The following CCDC125 variants were observed in gnomAD, a reference collection of about 807,000 sequenced individuals.
CCDC125 encodes the protein coiled-coil domain-containing protein 125.
CCDC125 carries 43 observed loss-of-function variants against 57.4 expected under a neutral mutation model. The ratio of observed to expected loss-of-function variants is 0.75; its 90% CI spans 0.59 to 0.97. The LOEUF (loss-of-function observed/expected upper bound fraction) is 0.97. Among genes scored for constraint, CCDC125 ranks in the 50% least tolerant of loss-of-function variants. CCDC125 has a pLI of 0.00. For synonymous variants in CCDC125, 187 were observed against 195.2 expected (o/e 0.96, Z 0.35); for missense variants, 563 against 595.7 (o/e 0.95, Z 0.57).
intron 7 of CCDC125, 31 bp downstream of exon 7, chr5:69,303,816 C>G: frequency 8.2e-7 from 1 of 1,218,038 alleles, no homozygotes; most frequent in Non-Finnish European, 1.2e-6. Flanking sequence ...TTTATTGATA[C>G]ATGTGCTCTT....
intron 7 of CCDC125, among the ~76,000 whole-genome samples, chr5:69,302,508 G>A (rs60299793): frequency 0.34 from 50,130 of 146,870 alleles, 9,981 homozygotes; most frequent in Non-Finnish European, 0.46. Context: ...GGCGGATCAC[G>A]AGGTCAGGAG....
intron 1 of CCDC125, among the ~76,000 whole-genome samples, chr5:69,320,880 C>G (rs750212392): frequency 6.6e-6 from 1 of 151,926 alleles, no homozygotes; most frequent in Non-Finnish European, 1.5e-5. Flanking sequence ...CTTGGGACAT[C>G]ATGGATGGAA....
intron 1 of CCDC125, among the ~76,000 whole-genome samples, 182 bp from the exon 2 acceptor site, chr5:69,320,762 A>G (rs953933450): frequency 1.3e-5 from 2 of 152,090 alleles, no homozygotes; most frequent in Non-Finnish European, 2.9e-5. Flanking sequence ...TCAAAGATGA[A>G]CAGGTGAAGA....
intron 10 of CCDC125, among the ~76,000 whole-genome samples, chr5:69,286,234 A>ATATATATAT (rs1554071341): frequency 3.5e-3 from 170 of 48,270 alleles, no homozygotes; most frequent in Non-Finnish European, 5.2e-3. Flanking sequence ...ATATATATAT[A>ATATATATAT]ATTTTTTTTT....
chr5:69,316,924 TAAA>T (rs937354258), intron 2 of CCDC125, among the ~76,000 whole-genome samples: 2 of 152,180 alleles, frequency 1.3e-5, no homozygotes, highest in African/African-American at 4.8e-5. Context: ...CCAACTTTAA[TAAA>T]AAGAAAAGTT....
At chr5:69,297,090 G>T (rs1350046600) in intron 8 of CCDC125, among the ~76,000 whole-genome samples, 1 of 152,154 alleles carries the variant, frequency 6.6e-6, no homozygotes, top group African/African-American at 2.4e-5. Context: ...TTTTGAGACG[G>T]AGTCTCGCTC....
intron 2 of CCDC125, 83 bp downstream of exon 2, chr5:69,320,154 T>G: frequency 7.4e-6 from 9 of 1,209,772 alleles, no homozygotes; most frequent in Non-Finnish European, 9.4e-6. Flanking sequence ...TCCAATATGG[T>G]TATTTATTTT....
intron 10 of CCDC125, among the ~76,000 whole-genome samples, chr5:69,290,485 T>C (rs1422140877): frequency 6.6e-6 from 1 of 151,348 alleles, no homozygotes; most frequent in Non-Finnish European, 1.5e-5. Context: ...GTATTTTTAG[T>C]AGAGATGGGG....
chr5:69,277,315 G>T, downstream of CCDC125: 2 of 441,716 alleles, frequency 4.5e-6, no homozygotes, highest in South Asian at 1.6e-4. Flanking sequence ...ATTTAATTCT[G>T]GTTTTTCTGA....
chr5:69,289,862 C>CA (rs11284379), intron 10 of CCDC125, among the ~76,000 whole-genome samples: 1,682 of 111,472 alleles, frequency 0.015, 21 homozygotes, highest in African/African-American at 0.046. Flanking sequence ...GATGCTGCCT[C>CA]AAAAAAAAAA....
downstream of CCDC125, among the ~76,000 whole-genome samples, chr5:69,278,840 A>AG (rs1752328924): frequency 6.7e-6 from 1 of 149,922 alleles, no homozygotes; most frequent in Non-Finnish European, 1.5e-5. Flanking sequence ...CTGGGACTAC[A>AG]GGTGCATACC....
chr5:69,293,391 C>T (rs1754792757), intron 9 of CCDC125, among the ~76,000 whole-genome samples: 1 of 152,090 alleles, frequency 6.6e-6, no homozygotes, highest in Non-Finnish European at 1.5e-5. Context: ...GTGGCTCACG[C>T]CTGTAATCCC....
intron 7 of CCDC125, among the ~76,000 whole-genome samples, chr5:69,303,037 C>T (rs912224485): frequency 2.0e-5 from 3 of 151,970 alleles, no homozygotes; most frequent in Admixed American, 6.6e-5. Flanking sequence ...CTTATTTTTT[C>T]GAGACCGAGT....
downstream of CCDC125, among the ~76,000 whole-genome samples, chr5:69,278,372 ATTT>A (rs35559096): frequency 4.3e-3 from 602 of 139,112 alleles, 3 homozygotes; most frequent in Middle Eastern, 0.031. Flanking sequence ...CGCCTGGCTA[ATTT>A]TTTTTTTTTT....
intron 4 of CCDC125, chr5:69,309,735 C>T (rs1292234089): frequency 2.0e-5 from 3 of 152,490 alleles, no homozygotes; most frequent in Admixed American, 6.5e-5. Flanking sequence ...GGTAGATCCA[C>T]CCATGGCTTA....
chr5:69,279,372 A>AT (rs1456613736), downstream of CCDC125, among the ~76,000 whole-genome samples: 16 of 151,928 alleles, frequency 1.1e-4, no homozygotes, highest in Non-Finnish European at 2.2e-4. Context: ...AATATTTTGT[A>AT]TTTTTAGTAG....
At chr5:69,298,173 GC>G (rs1411199021) in intron 8 of CCDC125, among the ~76,000 whole-genome samples, 1 of 151,784 alleles carries the variant, frequency 6.6e-6, no homozygotes, top group East Asian at 2.0e-4. Context: ...ACGCCACTAC[GC>G]CCAGCTAATT....
chr5:69,303,948 C>A lies in CCDC125; in HGVS notation c.618-19G>T. ...GTTTAGCCTGGAAAAAAGTGGCTTT[C>A]AAATAACTAAAACATTAATATTTCC... On this transcript the variant is annotated intron_variant, in intron 6 of 11. Transcript: ENST00000396496. 7.1e-7 allele frequency: 1 copy of A among 1,409,768 alleles called. No homozygotes were observed. Among genetic ancestry groups the A allele is most frequent in the Admixed American group, 2.1e-5 (1 of 48,450 alleles). 87.3% of individuals were successfully genotyped at this position (1,409,768 alleles called of 1,614,324 possible). A position where few individuals can be genotyped will look rare whatever the true frequency, so the allele number is the denominator to read the frequency against.
At chr5:69,319,591 C>T (rs1312330079) in intron 2 of CCDC125, among the ~76,000 whole-genome samples, 3 of 150,524 alleles carry the variant, frequency 2.0e-5, no homozygotes, top group Non-Finnish European at 4.4e-5. Context: ...ATGCCATTCT[C>T]CTGCCTCAGC....
Sources: gnomAD v4.1 joint callset for allele counts (sites outside exome capture counted in the v4.1 genomes callset) on GRCh38, gnomAD v4.1.1 for gene constraint, MANE v1.5 for transcripts, NCBI Gene and HGNC (gene_info 2026-07-23, HGNC 2026-07-21) for gene names.